ENTREP2: variants seen among roughly 807,000 people sequenced by gnomAD.
ENTREP2 encodes protein ENTREP2.
chr15:29,388,071 T>A, the ENTREP2 span, among the ~76,000 whole-genome samples: 1 of 152,328 alleles, frequency 6.6e-6, no homozygotes, highest in African/African-American at 2.4e-5. Context: ...AAGGACTTCA[T>A]GTCTAAAACA....
chr15:29,129,550 A>G, the ENTREP2 span, among the ~76,000 whole-genome samples: 2 of 152,110 alleles, frequency 1.3e-5, no homozygotes, highest in South Asian at 2.1e-4. Flanking sequence ...TGGTGCAATC[A>G]TAGCTCACTG....
At chr15:29,648,280 G>A in the ENTREP2 span, among the ~76,000 whole-genome samples, 1 of 152,178 alleles carries the variant, frequency 6.6e-6, no homozygotes, top group Non-Finnish European at 1.5e-5. Context: ...CTTAACAGTG[G>A]TTGCAAAACG....
the ENTREP2 span, among the ~76,000 whole-genome samples, chr15:29,601,439 T>C: frequency 6.6e-6 from 1 of 151,974 alleles, no homozygotes; most frequent in African/African-American, 2.4e-5. Context: ...CCACCTTTTT[T>C]TTTTTTTTCT....
At chr15:29,657,374 A>C in the ENTREP2 span, among the ~76,000 whole-genome samples, 2 of 150,936 alleles carry the variant, frequency 1.3e-5, no homozygotes, top group Non-Finnish European at 3.0e-5. Context: ...AGTTCTTACA[A>C]ATGGCACGGA....
the ENTREP2 span, among the ~76,000 whole-genome samples, chr15:29,584,443 ATG>A: frequency 1.4e-5 from 2 of 138,726 alleles, no homozygotes; most frequent in African/African-American, 5.9e-5. Flanking sequence ...GTGTGTGTGC[ATG>A]TGTGTGTGTG....
At chr15:29,168,394 A>G in the ENTREP2 span, among the ~76,000 whole-genome samples, 5 of 151,968 alleles carry the variant, frequency 3.3e-5, no homozygotes, top group Admixed American at 1.3e-4. Flanking sequence ...TAATGCAGAG[A>G]AAGACTCTGT....
chr15:29,529,135 T>C, the ENTREP2 span, among the ~76,000 whole-genome samples: 1 of 53,048 alleles, frequency 1.9e-5, no homozygotes. Flanking sequence ...GCCTCTTGCA[T>C]GTCCGGTCAA....
chr15:29,433,773 C>A, the ENTREP2 span, among the ~76,000 whole-genome samples: 1 of 80,460 alleles, frequency 1.2e-5, no homozygotes, highest in African/African-American at 5.2e-5. Flanking sequence ...ACACAGACTC[C>A]TCCATGGGAA....
the ENTREP2 span, among the ~76,000 whole-genome samples, chr15:29,674,566 C>G: frequency 6.6e-6 from 1 of 152,142 alleles, no homozygotes; most frequent in Non-Finnish European, 1.5e-5. Context: ...CCGCGCCCGG[C>G]TTGAGCACAG....
At chr15:29,648,953 AC>A in the ENTREP2 span, among the ~76,000 whole-genome samples, 4 of 151,458 alleles carry the variant, frequency 2.6e-5, no homozygotes, top group African/African-American at 9.7e-5. Flanking sequence ...AAAAACAACA[AC>A]AAAAAAAACT....
At chr15:29,490,262 T>C in the ENTREP2 span, among the ~76,000 whole-genome samples, 1 of 152,202 alleles carries the variant, frequency 6.6e-6, no homozygotes, top group Admixed American at 6.5e-5. Flanking sequence ...TTATGGTCTC[T>C]CTGGCCTCAG....
chr15:29,413,971 C>T, the ENTREP2 span, among the ~76,000 whole-genome samples: 1 of 152,016 alleles, frequency 6.6e-6, no homozygotes, highest in Non-Finnish European at 1.5e-5. Flanking sequence ...TATATGCACC[C>T]AATACAGGAG....
chr15:29,321,969 C>G, the ENTREP2 span, among the ~76,000 whole-genome samples: 1 of 150,508 alleles, frequency 6.6e-6, no homozygotes, highest in African/African-American at 2.5e-5. Context: ...CACATGTACC[C>G]CAGAACTAAA....
At chr15:29,216,822 T>C in the ENTREP2 span, among the ~76,000 whole-genome samples, 1 of 151,946 alleles carries the variant, frequency 6.6e-6, no homozygotes, top group South Asian at 2.1e-4. Context: ...TCATCCATAA[T>C]AAAAATGGCT....
the ENTREP2 span, among the ~76,000 whole-genome samples, chr15:29,556,125 G>T: frequency 6.6e-6 from 1 of 152,298 alleles, no homozygotes; most frequent in Non-Finnish European, 1.5e-5. Context: ...CGGGAGTGGT[G>T]GCATGCCAGT....
At chr15:29,580,135 C>T in the ENTREP2 span, among the ~76,000 whole-genome samples, 8,545 of 152,174 alleles carry the variant, frequency 0.056, 346 homozygotes, top group Admixed American at 0.087. Flanking sequence ...GCATGAGTCA[C>T]CACGCCTAGC....
the ENTREP2 span, among the ~76,000 whole-genome samples, chr15:29,430,427 A>C: frequency 1.3e-5 from 2 of 152,160 alleles, no homozygotes; most frequent in African/African-American, 4.8e-5. Flanking sequence ...GTCTTCTCCA[A>C]AGCAGTATCT....
chr15:29,406,060 A>G, the ENTREP2 span, among the ~76,000 whole-genome samples: 5 of 152,190 alleles, frequency 3.3e-5, no homozygotes, highest in African/African-American at 9.7e-5. Flanking sequence ...TTTTATAAAA[A>G]TTGGGTCATC....
At chr15:29,269,725 G>A in the ENTREP2 span, 3 of 1,499,544 alleles carry the variant, frequency 2.0e-6, no homozygotes, top group South Asian at 1.3e-5. Context: ...GGCAGGTGCC[G>A]GCGCACACTC....
Sources: allele counts gnomAD v4.1 joint callset (sites outside exome capture counted in the v4.1 genomes callset), GRCh38; gene constraint gnomAD v4.1.1; transcripts MANE v1.5; gene names NCBI Gene and HGNC (gene_info 2026-07-23, HGNC 2026-07-21).